Variants in KBTBD3 observed in about 807,000 individuals in gnomAD.
The protein encoded by KBTBD3 is kelch repeat and BTB domain containing 3.
A neutral mutation model predicts 49.6 loss-of-function variants in KBTBD3; 38 were observed. The observed-to-expected ratio is 0.77, with a 90% CI of 0.59 to 1.00. The LOEUF (loss-of-function observed/expected upper bound fraction) is 1.00. Among genes scored for constraint, KBTBD3 ranks in the 50% least tolerant of loss-of-function variants. The pLI is 0.00. For missense variants in KBTBD3, 661 were observed against 712.0 expected, an observed-to-expected ratio of 0.93 and a Z score of 0.81; for synonymous variants, 214 against 250.4, an observed-to-expected ratio of 0.85 and a Z score of 1.37.
chr11:106,066,829 A>G (rs981993032), intron 2 of KBTBD3, among the ~76,000 whole-genome samples: 3 of 151,968 alleles, frequency 2.0e-5, no homozygotes, highest in Admixed American at 6.6e-5. Context: ...AAAAACAACA[A>G]CAACAACAAT....
Position 106,052,777 on chromosome 11 carries a change from T to C in KBTBD3, c.*73A>G. On this transcript the variant is annotated 3_prime_UTR_variant, in exon 4 of 4. Transcript: ENST00000531837. ...GAATGTTTTATTTCATTAAGATGTA[T>C]AGATCTTTTTACCTATCATTTTGGT... 2 of 1,136,416 alleles carry C rather than the reference T, an allele frequency of 1.8e-6. No homozygotes were observed. Among genetic ancestry groups the C allele is most frequent in the South Asian group, 1.5e-5 (1 of 66,564 alleles). The allele number at this position is 1,136,416 out of a possible 1,614,324, so 70.4% of individuals were successfully genotyped here. A position where few individuals can be genotyped will look rare whatever the true frequency, so the allele number is the denominator to read the frequency against.
At chr11:106,077,253 AGACCCT>A in intron 1 of KBTBD3, 53 bp downstream of exon 1, 1 of 170,824 alleles carries the variant, frequency 5.9e-6, no homozygotes. Context: ...GGGCCAACTC[AGACCCT>A]GAGAATAAGG....
chr11:106,062,436 T>C (rs774644015), intron 2 of KBTBD3, among the ~76,000 whole-genome samples: 1 of 152,138 alleles, frequency 6.6e-6, no homozygotes. Flanking sequence ...ACAGTTTCAG[T>C]ACAAGTGCAA....
intron 2 of KBTBD3, among the ~76,000 whole-genome samples, chr11:106,060,152 TG>T (rs1860656813): frequency 6.4e-5 from 1 of 15,654 alleles, no homozygotes; most frequent in African/African-American, 7.4e-5. Context: ...TTCCTTTTTT[TG>T]TTTTTTTTTT....
chr11:106,057,892 G>A, intron 3 of KBTBD3: 1 of 385,338 alleles, frequency 2.6e-6, no homozygotes, highest in East Asian at 3.7e-5. Flanking sequence ...TTCAAATTTT[G>A]CTTCCATTTT....
intron 2 of KBTBD3, among the ~76,000 whole-genome samples, chr11:106,067,240 G>A (rs1038261905): frequency 1.3e-5 from 2 of 152,156 alleles, no homozygotes; most frequent in Non-Finnish European, 2.9e-5. Context: ...CTAATGACAG[G>A]CTATAATGAG....
At position 106,054,260 on chromosome 11, in the gene KBTBD3, G is replaced by A. The variant is rs1338529787; in HGVS notation, c.429C>T (p.Asp143=). 6.2e-7 allele frequency: 1 copy of A among 1,612,182 alleles called. No homozygotes were observed. Among genetic ancestry groups the A allele is most frequent in the Admixed American group, 1.7e-5 (1 of 59,746 alleles). The change falls in exon 4 of 4, where the codon GAC becomes GAT. Residue 143 remains aspartate (D), a synonymous_variant. Coordinates refer to ENST00000531837, the MANE Select transcript of KBTBD3 (RefSeq NM_198439.3). The part of the protein sequence containing the change: ...QVSFLSKACS[D]FLIKSINLVN... ...CAAGATTAATACTTTTTATTAAAAA[G>A]TCACTGCAAGCTTTGGATAGGAAGG...
At chr11:106,076,203 G>A (rs1861025801) in intron 2 of KBTBD3, 1 of 152,162 alleles carries the variant, frequency 6.6e-6, no homozygotes, top group Non-Finnish European at 1.5e-5. Context: ...TACTTTTTAT[G>A]CGTATGATTT....
intron 2 of KBTBD3, among the ~76,000 whole-genome samples, chr11:106,059,399 T>C (rs923554355): frequency 8.5e-5 from 13 of 152,204 alleles, no homozygotes; most frequent in African/African-American, 2.9e-4. Flanking sequence ...ATAGCTTATA[T>C]AGGATTTCAC....
chr11:106,054,278 T>G lies in KBTBD3; in HGVS notation c.411A>C (p.Leu137=), dbSNP rs1860506040. ...QLSSFLQVSF[L]SKACSDFLIK... ...TTAAAAAGTCACTGCAAGCTTTGGA[T>G]AGGAAGGAAACTTGAAGAAATGATG... Residue 137 remains leucine, a synonymous_variant, in exon 4 of 4, where the codon CTA becomes CTC. Coordinates refer to ENST00000531837, the MANE Select transcript of KBTBD3 (RefSeq NM_198439.3). 1 of 1,612,970 alleles carries G rather than the reference T, an allele frequency of 6.2e-7. No homozygotes were observed. The highest frequency in any genetic ancestry group is 8.5e-7 in the Non-Finnish European group (1 of 1,179,570).
intron 2 of KBTBD3, among the ~76,000 whole-genome samples, chr11:106,061,021 A>C (rs1401391597): frequency 6.6e-6 from 1 of 152,236 alleles, no homozygotes; most frequent in Non-Finnish European, 1.5e-5. Context: ...GACACTTCTC[A>C]AAAGAAGACA....
intron 2 of KBTBD3, among the ~76,000 whole-genome samples, chr11:106,059,608 T>C (rs1198815289): frequency 1.3e-5 from 2 of 152,194 alleles, no homozygotes; most frequent in Non-Finnish European, 2.9e-5. Flanking sequence ...AAAAGATCAG[T>C]GTTAGATTGC....
chr11:106,059,785 G>T (rs1860644980), intron 2 of KBTBD3, among the ~76,000 whole-genome samples: 1 of 152,178 alleles, frequency 6.6e-6, no homozygotes, highest in Non-Finnish European at 1.5e-5. Flanking sequence ...TGAATATCAT[G>T]AACTGCAAAT....
At chr11:106,074,557 G>A (rs1860992217) in intron 2 of KBTBD3, among the ~76,000 whole-genome samples, 1 of 152,096 alleles carries the variant, frequency 6.6e-6, no homozygotes, top group African/African-American at 2.4e-5. Context: ...TACCTTGCTG[G>A]CCTCTCCTTC....
intron 2 of KBTBD3, among the ~76,000 whole-genome samples, chr11:106,069,256 G>A (rs1333720240): frequency 6.6e-6 from 1 of 151,848 alleles, no homozygotes; most frequent in African/African-American, 2.4e-5. Context: ...ACTAAAACAA[G>A]AAAATTCAAT....
At chr11:106,065,579 G>A (rs1434885949) in intron 2 of KBTBD3, among the ~76,000 whole-genome samples, 2 of 152,188 alleles carry the variant, frequency 1.3e-5, no homozygotes, top group Non-Finnish European at 2.9e-5. Context: ...AAAAGTCACT[G>A]ATAATTTGGG....
chr11:106,067,412 T>G (rs1289347936), intron 2 of KBTBD3, among the ~76,000 whole-genome samples: 1 of 152,140 alleles, frequency 6.6e-6, no homozygotes, highest in Non-Finnish European at 1.5e-5. Context: ...AAGACCATCT[T>G]GGCCAACATG....
chr11:106,069,835 G>A (rs569600092), intron 2 of KBTBD3, among the ~76,000 whole-genome samples: 1 of 151,954 alleles, frequency 6.6e-6, no homozygotes, highest in South Asian at 2.1e-4. Context: ...AATGAGGGAA[G>A]TATCAGTCTA....
chr11:106,059,023 T>C lies in KBTBD3; in HGVS notation c.75A>G (p.Lys25=), dbSNP rs1287504120. 3 of 1,559,770 alleles carry C rather than the reference T, an allele frequency of 1.9e-6. No individual in the cohort carries two copies. Among genetic ancestry groups the C allele is most frequent in the Middle Eastern group, 3.4e-4 (2 of 5,908 alleles). ...GATCTTCTGATACAAGGAAGTTGTT[T>C]TTCTTCTCAGATGGAATTCCATTAC... ...STCNGIPSEK[K]NNFLVSEDHG... is the part of the protein sequence containing the mutation. The change falls in exon 3 of 4, where the codon AAA becomes AAG. Residue 25 remains lysine (K), a synonymous_variant. Coordinates refer to ENST00000531837, the MANE Select transcript of KBTBD3 (RefSeq NM_198439.3).
Sources: gnomAD v4.1 joint callset for allele counts (sites outside exome capture counted in the v4.1 genomes callset) on GRCh38, gnomAD v4.1.1 for gene constraint, MANE v1.5 for transcripts, NCBI Gene and HGNC (gene_info 2026-07-23, HGNC 2026-07-21) for gene names.